RARB: variants seen among roughly 807,000 people sequenced by gnomAD.
RARB encodes the protein HBV-activated protein.
RARB carries 17 observed loss-of-function variants against 51.9 expected under a neutral mutation model. The ratio of observed to expected loss-of-function variants is 0.33; its 90% confidence interval spans 0.22 to 0.49. RARB has a LOEUF of 0.49. Among genes scored for constraint, RARB ranks in the 20% least tolerant of loss-of-function variants. The probability of loss-of-function intolerance (pLI) is 0.99; values close to 1 mark genes in which losing one functional copy is unlikely to be tolerated. For synonymous variants in RARB, 215 were observed against 195.4 expected (o/e 1.10, Z -0.84); for missense variants, 369 against 550.8 (o/e 0.67, Z 3.30).
chr3:25,390,928 G>A (rs1043032054), intron 5 of RARB, among the ~76,000 whole-genome samples: 18 of 151,988 alleles, frequency 1.2e-4, no homozygotes, highest in African/African-American at 4.4e-4. Flanking sequence ...AGGTTTTGGG[G>A]GAACAGGCGG....
At chr3:24,897,252 G>T (rs945532776) in intron 2 of RARB, among the ~76,000 whole-genome samples, 1 of 152,270 alleles carries the variant, frequency 6.6e-6, no homozygotes, top group Non-Finnish European at 1.5e-5. Flanking sequence ...TGACCAAAAT[G>T]AACTTTGCCG....
At chr3:25,480,599 A>C (rs1216353807) in intron 2 of RARB, among the ~76,000 whole-genome samples, 4 of 152,212 alleles carry the variant, frequency 2.6e-5, no homozygotes, top group African/African-American at 9.7e-5. Context: ...TCTAAAGGTG[A>C]GAGTCAATCC....
Position 25,593,486 on chromosome 3 carries a change from T to A in RARB, c.787-17T>A, listed in dbSNP as rs562664999. 1 of 1,583,394 alleles carries A rather than the reference T, an allele frequency of 6.3e-7. No homozygotes were observed. Among genetic ancestry groups the A allele is most frequent in the South Asian group, 1.1e-5 (1 of 90,012 alleles). Reference sequence around the variant, plus strand: ...CAGGATGGCTTAGAACATCCATCAATTTTTTTTTCCTTCCAGATTCTTAGA... The same window carrying A: ...CAGGATGGCTTAGAACATCCATCAAATTTTTTTTCCTTCCAGATTCTTAGA... On this transcript the variant is annotated splice_polypyrimidine_tract_variant and intron_variant, in intron 5 of 7. Coordinates refer to ENST00000330688, the MANE Select transcript of RARB (RefSeq NM_000965.5).
rs181857955 is a variant in RARB at position 25,458,894 on chromosome 3, C to A, written c.158-2299C>A. 1.5e-3 allele frequency among the ~76,000 whole-genome samples: 234 copies of A among 152,198 alleles called. 2 individuals carry two copies. Among genetic ancestry groups the A allele is most frequent in the African/African-American group, 5.2e-3 (216 of 41,528 alleles). On this transcript the variant is annotated intron_variant, in intron 1 of 7. Transcript: ENST00000330688. ...TTTATCATTTAACAACTTAGAGGGA[C>A]TCTTAGTGCTCAAAATGAGGAAGAA...
chr3:25,112,695 T>G (rs947815045), intron 3 of RARB, among the ~76,000 whole-genome samples: 1 of 152,084 alleles, frequency 6.6e-6, no homozygotes, highest in African/African-American at 2.4e-5. Context: ...GGAGAATCAC[T>G]TGAGTCCAGG....
At chr3:25,292,570 G>A (rs1404181811) in intron 5 of RARB, among the ~76,000 whole-genome samples, 2 of 152,324 alleles carry the variant, frequency 1.3e-5, no homozygotes, top group East Asian at 3.9e-4. Context: ...ACAAGAGAGA[G>A]CTTGCGTTGC....
intron 5 of RARB, among the ~76,000 whole-genome samples, chr3:25,363,460 G>T (rs74325871): frequency 2.0e-5 from 3 of 152,084 alleles, no homozygotes; most frequent in African/African-American, 7.2e-5. Context: ...TTCGCCATCT[G>T]GGTTGATGGC....
intron 5 of RARB, among the ~76,000 whole-genome samples, chr3:25,235,857 GAATA>G (rs1369185191): frequency 3.9e-5 from 6 of 152,070 alleles, no homozygotes; most frequent in African/African-American, 1.4e-4. Context: ...TTGTATCTGT[GAATA>G]AACAGTGCCA....
rs1433173054 is a variant in RARB at position 25,596,795 on chromosome 3, G to A, written c.*179G>A. 1 of 449,650 alleles carries A rather than the reference G, an allele frequency of 2.2e-6. No homozygotes were observed. Among genetic ancestry groups the A allele is most frequent in the Admixed American group, 4.2e-5 (1 of 23,718 alleles). The allele number at this position is 449,650 out of a possible 1,614,324, so 27.9% of individuals were successfully genotyped here. A position where few individuals can be genotyped will look rare whatever the true frequency, so the allele number is the denominator to read the frequency against. ...TACTCCTCACTGTGTAACTTACCTA[G>A]AAATACAAACTTTTCCAATTTTAAA... On this transcript the variant is annotated 3_prime_UTR_variant, in exon 8 of 8. Transcript: ENST00000330688.
At chr3:24,954,581 A>C (rs1695968366) in intron 2 of RARB, among the ~76,000 whole-genome samples, 1 of 152,212 alleles carries the variant, frequency 6.6e-6, no homozygotes, top group African/African-American at 2.4e-5. Flanking sequence ...CCATCAATCT[A>C]GAACCTGGGG....
chr3:25,108,478 A>G (rs1189918485), intron 3 of RARB, among the ~76,000 whole-genome samples: 2 of 152,130 alleles, frequency 1.3e-5, no homozygotes, highest in South Asian at 2.1e-4. Flanking sequence ...AGGAAGAAGA[A>G]ACAGATAGAT....
chr3:25,386,821 A>T (rs996299847), intron 5 of RARB, among the ~76,000 whole-genome samples: 2 of 152,202 alleles, frequency 1.3e-5, no homozygotes, highest in African/African-American at 4.8e-5. Context: ...TTGGGCTGCC[A>T]ACTCTTCTTA....
intron 5 of RARB, among the ~76,000 whole-genome samples, chr3:25,357,324 T>C (rs1705773234): frequency 6.6e-6 from 1 of 152,244 alleles, no homozygotes; most frequent in African/African-American, 2.4e-5. Flanking sequence ...TTTTCAAAAG[T>C]ATCTGCTCAT....
intron 4 of RARB, among the ~76,000 whole-genome samples, chr3:25,576,900 G>A (rs984597977): frequency 2.0e-5 from 3 of 152,180 alleles, no homozygotes; most frequent in African/African-American, 7.2e-5. Flanking sequence ...GGGGGCAGAC[G>A]TTCCCGAAGC....
chr3:25,565,402 A>G (rs1215480786), intron 3 of RARB, among the ~76,000 whole-genome samples: 1 of 152,192 alleles, frequency 6.6e-6, no homozygotes, highest in African/African-American at 2.4e-5. Context: ...ACTCTCGTAT[A>G]TTAATTGCAG....
At chr3:25,437,404 A>G (rs1708481494) in intron 1 of RARB, among the ~76,000 whole-genome samples, 1 of 152,110 alleles carries the variant, frequency 6.6e-6, no homozygotes, top group African/African-American at 2.4e-5. Flanking sequence ...AGTTTTTGCA[A>G]CGTGCCATTC....
At chr3:25,278,382 G>T (rs1210232723) in intron 5 of RARB, among the ~76,000 whole-genome samples, 1 of 152,142 alleles carries the variant, frequency 6.6e-6, no homozygotes, top group Admixed American at 6.6e-5. Context: ...TCTACCCATT[G>T]GACAGTCCAA....
chr3:25,299,761 AAAT>A (rs1421367364), intron 5 of RARB, among the ~76,000 whole-genome samples: 3 of 115,220 alleles, frequency 2.6e-5, no homozygotes, highest in Non-Finnish European at 6.3e-5. Context: ...GCACCAAAAA[AAAT>A]AAATAAATAA....
At chr3:25,452,956 G>A (rs926203344) in intron 1 of RARB, among the ~76,000 whole-genome samples, 1 of 152,146 alleles carries the variant, frequency 6.6e-6, no homozygotes, top group Non-Finnish European at 1.5e-5. Context: ...GAGAGTGAAC[G>A]AAGACTTCTG....
Sources: gnomAD v4.1 joint callset for allele counts (sites outside exome capture counted in the v4.1 genomes callset) on GRCh38, gnomAD v4.1.1 for gene constraint, MANE v1.5 for transcripts, NCBI Gene and HGNC (gene_info 2026-07-23, HGNC 2026-07-21) for gene names.